The following TDRD9 variants were observed in gnomAD, a reference collection of about 807,000 sequenced individuals.
TDRD9 encodes ATP-dependent RNA helicase TDRD9.
In TDRD9, 124 loss-of-function variants were observed where a neutral mutation model predicts 172.6. The ratio of observed to expected loss-of-function variants is 0.72; its 90% CI spans 0.62 to 0.83. The LOEUF (loss-of-function observed/expected upper bound fraction) is 0.83, where lower values mean the gene tolerates loss of function less well. Among genes scored for constraint, TDRD9 ranks in the 40% least tolerant of loss-of-function variants. The probability of loss-of-function intolerance (pLI) is 0.00; values close to 1 mark genes in which losing one functional copy is unlikely to be tolerated. For missense variants in TDRD9, 1,479 were observed against 1,714.1 expected (o/e 0.86, Z 2.42); for synonymous variants, 619 against 617.1 (o/e 1.00, Z -0.05).
intron 1 of TDRD9, among the ~76,000 whole-genome samples, chr14:103,932,272 C>T (rs961607995): frequency 1.3e-5 from 2 of 152,200 alleles, no homozygotes; most frequent in African/African-American, 2.4e-5. Context: ...GAACCCCGCA[C>T]GGTGCCTGGC....
chr14:103,962,513 G>T (rs901018106), intron 2 of TDRD9, among the ~76,000 whole-genome samples: 1 of 152,168 alleles, frequency 6.6e-6, no homozygotes, highest in African/African-American at 2.4e-5. Flanking sequence ...AGATTCGGGG[G>T]TGCATGTTCA....
intron 20 of TDRD9, among the ~76,000 whole-genome samples, chr14:104,011,207 A>G (rs140324665): frequency 8.5e-5 from 13 of 152,316 alleles, no homozygotes; most frequent in Non-Finnish European, 1.6e-4. Context: ...TGACCCAGCC[A>G]CGTGTTCTTA....
intron 11 of TDRD9, among the ~76,000 whole-genome samples, chr14:103,994,966 G>GAA (rs11423570): frequency 3.1e-4 from 46 of 148,222 alleles, no homozygotes; most frequent in African/African-American, 5.0e-4. Flanking sequence ...AAAAAAAAAA[G>GAA]AAAAAAAAAT....
In TDRD9 at chr14:104,022,203, C is replaced by T. The variant is rs903624030; in HGVS notation, c.2479C>T (p.Leu827Phe). ...AAATCCAACAGAGAGATTTAAAACCCTTCCTGCAGTATATATGGCAATTAA... is the reference window on the plus strand; with the variant it reads ...AAATCCAACAGAGAGATTTAAAACCTTTCCTGCAGTATATATGGCAATTAA... Reference protein sequence around the residue: ...SRNPTERFKTLPAVYMAIKMS... With the variant: ...SRNPTERFKTFPAVYMAIKMS... Residue 827 changes from leucine (L) to phenylalanine (F), a missense_variant, in exon 24 of 36, where the codon CTT becomes TTT. Physicochemically the swap from Leu to Phe is conservative, Grantham distance 22. Coordinates refer to ENST00000409874, the MANE Select transcript of TDRD9 (RefSeq NM_153046.3). The T allele has an allele frequency of 1.3e-6, 2 of 1,579,156 alleles. No homozygotes were observed. Among genetic ancestry groups the T allele is most frequent in the Non-Finnish European group, 1.7e-6 (2 of 1,162,226 alleles).
At position 103,986,315 on chromosome 14, in the gene TDRD9, G is replaced by C; in HGVS notation, c.1110G>C (p.Glu370Asp). ...IQMFDDLDMK[E>D]SGNKAWSGAQ... ...TGTTTGATGACTTGGATATGAAGGA[G>C]AGTGGGTAAGAGATACTTCAGTTGG... Residue 370 changes from glutamate to aspartate, a missense_variant, in exon 8 of 36, where the codon GAG becomes GAC. Transcript: ENST00000409874. The C allele has an allele frequency of 6.2e-7, 1 of 1,601,544 alleles. No individual in the cohort carries two copies. Among genetic ancestry groups the C allele is most frequent in the Non-Finnish European group, 8.5e-7 (1 of 1,171,126 alleles).
In TDRD9 at chr14:104,018,085, T is replaced by C; in HGVS notation, c.2332-7T>C. 1 of 1,531,146 alleles carries C rather than the reference T, an allele frequency of 6.5e-7. No individual in the cohort carries two copies. Among genetic ancestry groups the C allele is most frequent in the Non-Finnish European group, 9.0e-7 (1 of 1,110,442 alleles). 94.8% of individuals were successfully genotyped at this position (1,531,146 alleles called of 1,614,324 possible). A position where few individuals can be genotyped will look rare whatever the true frequency, so the allele number is the denominator to read the frequency against. On this transcript the variant is annotated splice_region_variant and splice_polypyrimidine_tract_variant and intron_variant, in intron 22 of 35. Coordinates refer to ENST00000409874, the MANE Select transcript of TDRD9 (RefSeq NM_153046.3). ...AATCTGCTCTGATTTTGTGTTATAT[T>C]TTACAGTTGAAACACATTCCTCCCT...
intron 13 of TDRD9, among the ~76,000 whole-genome samples, chr14:104,002,890 C>T (rs906987192): frequency 1.3e-5 from 2 of 151,996 alleles, no homozygotes; most frequent in African/African-American, 4.8e-5. Flanking sequence ...ACCCCTATGC[C>T]TGTCTAATTT....
At chr14:104,040,420 A>G (rs535626112) in intron 33 of TDRD9, 86 bp downstream of exon 33, 4 of 1,335,126 alleles carry the variant, frequency 3.0e-6, no homozygotes, top group Non-Finnish European at 2.9e-6. Flanking sequence ...TCTGCTGTGG[A>G]GCTCGCGGTG....
At chr14:104,046,662 T>C (rs1352451661) in intron 34 of TDRD9, among the ~76,000 whole-genome samples, 8 of 152,190 alleles carry the variant, frequency 5.3e-5, no homozygotes, top group South Asian at 2.1e-4. Context: ...TTCTTTTTTT[T>C]TGAGACAGAG....
intron 7 of TDRD9, among the ~76,000 whole-genome samples, chr14:103,977,015 C>T (rs2033272867): frequency 6.6e-6 from 1 of 152,138 alleles, no homozygotes; most frequent in South Asian, 2.1e-4. Flanking sequence ...AATCACTGCA[C>T]CCAGCCTTTA....
At chr14:104,026,217 C>A in intron 27 of TDRD9, 81 bp downstream of exon 27, 1 of 971,348 alleles carries the variant, frequency 1.0e-6, no homozygotes, top group East Asian at 2.4e-5. Flanking sequence ...ATATGGTGCC[C>A]TGCCTCGGCT....
intron 1 of TDRD9, among the ~76,000 whole-genome samples, chr14:103,946,843 G>C (rs1178392644): frequency 6.6e-6 from 1 of 152,210 alleles, no homozygotes; most frequent in Non-Finnish European, 1.5e-5. Flanking sequence ...CCAAAGAAGT[G>C]AAAGTCTGGA....
At chr14:104,051,918 G>A (rs924229617) in intron 35 of TDRD9, 63 bp from the exon 36 acceptor site, 92 of 1,035,218 alleles carry the variant, frequency 8.9e-5, no homozygotes, top group Non-Finnish European at 1.3e-4. Flanking sequence ...TAATGCATGT[G>A]TATTTTATGT....
chr14:103,959,702 C>T (rs2032419217), intron 2 of TDRD9, among the ~76,000 whole-genome samples: 1 of 152,130 alleles, frequency 6.6e-6, no homozygotes, highest in Non-Finnish European at 1.5e-5. Flanking sequence ...AAAATTATTT[C>T]TAAATAGAAA....
In TDRD9 at chr14:103,995,763, C is replaced by T. The variant is rs1251976833; in HGVS notation, c.1334C>T (p.Thr445Ile). 1 of 1,607,852 alleles carries T rather than the reference C, an allele frequency of 6.2e-7. No homozygotes were observed. Among genetic ancestry groups the T allele is most frequent in the Non-Finnish European group, 8.5e-7 (1 of 1,177,428 alleles). ...VPGYRKIILS[T>I]NIAESSVTVP... Reference sequence around the variant, plus strand: ...GATGTTTAACAGATTATTCTGTCCACCAATATTGCAGAGAGTTCTGTCACA... The same window carrying T: ...GATGTTTAACAGATTATTCTGTCCATCAATATTGCAGAGAGTTCTGTCACA... Residue 445 changes from threonine to isoleucine, a missense_variant, in exon 12 of 36, where the codon ACC becomes ATC. Around this residue, in one of 3 missense-constraint regions of TDRD9, gnomAD observed 1,413 missense variants for 1,649.1 expected, o/e 0.86. Coordinates refer to ENST00000409874, the MANE Select transcript of TDRD9 (RefSeq NM_153046.3).
At chr14:104,049,745 G>A (rs1017652147) in intron 35 of TDRD9, 65 bp downstream of exon 35, 2 of 1,397,390 alleles carry the variant, frequency 1.4e-6, no homozygotes, top group Non-Finnish European at 2.0e-6. Context: ...GCCCTGGGCA[G>A]ACCCAGGGTT....
chr14:103,987,801 G>T (rs1020423019), intron 8 of TDRD9, among the ~76,000 whole-genome samples: 1 of 152,088 alleles, frequency 6.6e-6, no homozygotes, highest in Non-Finnish European at 1.5e-5. Flanking sequence ...TCTACTTCTT[G>T]ATCTTCTGCC....
At chr14:104,034,879 G>A (rs1022572046) in intron 31 of TDRD9, 81 bp from the exon 32 acceptor site, 6 of 1,051,568 alleles carry the variant, frequency 5.7e-6, no homozygotes, top group Non-Finnish European at 8.5e-6. Flanking sequence ...ACCTGCAGAT[G>A]AGTAGGAGCG....
chr14:103,934,320 C>T (rs1007512738), intron 1 of TDRD9, among the ~76,000 whole-genome samples: 6 of 152,224 alleles, frequency 3.9e-5, no homozygotes, highest in African/African-American at 1.4e-4. Flanking sequence ...CCAAAGTCCA[C>T]ATTTTTAAGA....
Sources: allele counts gnomAD v4.1 joint callset (sites outside exome capture counted in the v4.1 genomes callset), GRCh38; gene constraint gnomAD v4.1.1; regional missense constraint gnomAD v4.1.1; transcripts MANE v1.5; gene names NCBI Gene and HGNC (gene_info 2026-07-23, HGNC 2026-07-21).